The following SLC9A1 variants were observed in gnomAD, a reference collection of about 807,000 sequenced individuals.
SLC9A1 encodes solute carrier family 9 member A1, also known as sodium/hydrogen exchanger 1.
A neutral mutation model predicts 67.9 loss-of-function variants in SLC9A1; 22 were observed. The ratio of observed to expected loss-of-function variants is 0.32; its 90% CI spans 0.23 to 0.46. The LOEUF is 0.46. Among genes scored for constraint, SLC9A1 ranks in the 20% least tolerant of loss-of-function variants. The pLI, the probability that SLC9A1 is intolerant of heterozygous loss-of-function variation, is 1.00. For missense variants in SLC9A1, 686 were observed against 1,094.8 expected, an observed-to-expected ratio of 0.63 and a Z score of 5.27; for synonymous variants, 421 against 471.8, an observed-to-expected ratio of 0.89 and a Z score of 1.40.
At chr1:27,148,584 C>T (rs906768236) in intron 1 of SLC9A1, among the ~76,000 whole-genome samples, 1 of 152,116 alleles carries the variant, frequency 6.6e-6, no homozygotes, top group Non-Finnish European at 1.5e-5. Context: ...AGGTCACAAC[C>T]GAAGGCTCAA....
intron 1 of SLC9A1, among the ~76,000 whole-genome samples, chr1:27,152,915 A>T (rs2083539599): frequency 6.6e-6 from 1 of 152,124 alleles, no homozygotes; most frequent in Non-Finnish European, 1.5e-5. Flanking sequence ...GAGTCCCAGG[A>T]CCTCATGCCT....
chr1:27,120,739 A>G (rs1250214160), intron 1 of SLC9A1, among the ~76,000 whole-genome samples: 3 of 151,050 alleles, frequency 2.0e-5, no homozygotes, highest in Non-Finnish European at 4.4e-5. Flanking sequence ...TTCCATTTCA[A>G]AAAAAAAAGA....
chr1:27,108,719 C>T (rs759590502), intron 3 of SLC9A1, among the ~76,000 whole-genome samples: 3 of 152,126 alleles, frequency 2.0e-5, no homozygotes, highest in Admixed American at 6.5e-5. Context: ...CACCTCTCCC[C>T]TGTCACGCTG....
intron 4 of SLC9A1, among the ~76,000 whole-genome samples, chr1:27,107,442 C>T (rs2083195692): frequency 6.6e-6 from 1 of 150,724 alleles, no homozygotes; most frequent in African/African-American, 2.4e-5. Flanking sequence ...GCACTACACA[C>T]ACCACACACG....
Position 27,154,555 on chromosome 1 carries a change from A to C in SLC9A1, c.-221T>G. 2.0e-6 allele frequency: 1 copy of C among 500,520 alleles called. No homozygotes were observed. Among genetic ancestry groups the C allele is most frequent in the Non-Finnish European group, 3.5e-6 (1 of 282,104 alleles). 31.0% of individuals were successfully genotyped at this position (500,520 alleles called of 1,614,324 possible). On this transcript the variant is annotated 5_prime_UTR_variant, in exon 1 of 12. Transcript: ENST00000263980. Reference sequence around the variant, plus strand: ...TGGGGAAAGGGGGCAAGGACCCAGGAACGACCACGAAAGGAGACCAAAAGG... The same window carrying C: ...TGGGGAAAGGGGGCAAGGACCCAGGCACGACCACGAAAGGAGACCAAAAGG...
At chr1:27,141,100 C>T (rs1232531213) in intron 1 of SLC9A1, among the ~76,000 whole-genome samples, 3 of 152,036 alleles carry the variant, frequency 2.0e-5, no homozygotes, top group Non-Finnish European at 4.4e-5. Context: ...CCCAGCTACT[C>T]GGGAGGCAGG....
rs541572724 is a variant in SLC9A1, at chr1:27,110,119, T to G, written c.814-342A>C. On this transcript the variant is annotated intron_variant, in intron 2 of 11. Coordinates refer to ENST00000263980, the MANE Select transcript of SLC9A1 (RefSeq NM_003047.5). ...CTCCCTGTGTTTCAGTTTTCCTGTCTATAAAATGAGGATAATAATACCAAA... is the reference window on the plus strand; with the variant it reads ...CTCCCTGTGTTTCAGTTTTCCTGTCGATAAAATGAGGATAATAATACCAAA... Among the ~76,000 whole-genome samples the G allele has an allele frequency of 7.9e-5, 12 of 152,318 alleles. No homozygotes were observed. The East Asian group carries it at 2.3e-3, about 29-fold the overall frequency.
At chr1:27,107,219 C>A (rs867746427) in intron 4 of SLC9A1, among the ~76,000 whole-genome samples, 7 of 5,956 alleles carry the variant, frequency 1.2e-3, no homozygotes, top group East Asian at 7.7e-3. Context: ...CCCAGCCCCT[C>A]TACACACACC....
Position 27,109,443 on chromosome 1 carries a change from G to T in SLC9A1, c.1064+84C>A. ...CTCAAGGCTGGGCCCTGGGAGCTCC[G>T]TGAACCTACGAGCCTGGGGAATCCA... On this transcript the variant is annotated intron_variant, in intron 3 of 11. Transcript: ENST00000263980. The surrounding 1 kb of genome is among the most constrained non-coding windows in gnomAD (Gnocchi z 5.5). 1.4e-6 allele frequency: 2 copies of T among 1,464,802 alleles called. No individual in the cohort carries two copies. Among genetic ancestry groups the T allele is most frequent in the Non-Finnish European group, 1.9e-6 (2 of 1,066,252 alleles). 90.7% of individuals were successfully genotyped at this position (1,464,802 alleles called of 1,614,324 possible).
At chr1:27,107,940 A>G in intron 3 of SLC9A1, 75 bp from the exon 4 acceptor site, 2 of 1,108,080 alleles carry the variant, frequency 1.8e-6, no homozygotes, top group Non-Finnish European at 1.3e-6. Flanking sequence ...GCCAGGGGCA[A>G]TGGGGCCACG....
At position 27,101,937 on chromosome 1, in the gene SLC9A1, C is replaced by CGGGCA. The variant is rs1231875546; in HGVS notation, c.1935+74_1935+78dup. Reference sequence around the variant, plus strand: ...GTCCTGGGGTGGGTGCCGAGGGGCACGGGCAGGGCAGGGCTGCCGTAGAGA... The same window carrying CGGGCA: ...GTCCTGGGGTGGGTGCCGAGGGGCACGGGCAGGGCAGGGCAGGGCTGCCGTAGAGA... On this transcript the variant is annotated intron_variant, in intron 9 of 11. Transcript: ENST00000263980. The surrounding 1 kb of genome is among the most constrained non-coding windows in gnomAD (Gnocchi z 4.9). 23 of 1,427,228 alleles carry CGGGCA rather than the reference C, an allele frequency of 1.6e-5. No individual in the cohort carries two copies. The highest frequency in any genetic ancestry group is 1.9e-5 in the Non-Finnish European group (19 of 1,014,860). 88.4% of individuals were successfully genotyped at this position (1,427,228 alleles called of 1,614,324 possible). A position where few individuals can be genotyped will look rare whatever the true frequency, so the allele number is the denominator to read the frequency against.
intron 8 of SLC9A1, 67 bp downstream of exon 8, chr1:27,102,318 C>T: frequency 6.6e-7 from 1 of 1,524,780 alleles, no homozygotes; most frequent in Admixed American, 1.9e-5. Context: ...CCCAGGTGGC[C>T]ACCTCCAACC....
At chr1:27,138,027 G>A (rs2083430438) in intron 1 of SLC9A1, among the ~76,000 whole-genome samples, 1 of 152,152 alleles carries the variant, frequency 6.6e-6, no homozygotes, top group African/African-American at 2.4e-5. Flanking sequence ...CACTGAGTGG[G>A]GCCAGCCCAG....
chr1:27,134,055 G>A (rs565379912), intron 1 of SLC9A1, among the ~76,000 whole-genome samples: 105 of 152,212 alleles, frequency 6.9e-4, no homozygotes, highest in African/African-American at 2.3e-3. Flanking sequence ...GAGCTACCGC[G>A]CCCGGCCTGA....
intron 2 of SLC9A1, among the ~76,000 whole-genome samples, chr1:27,110,218 T>C (rs544153823): frequency 2.0e-5 from 3 of 152,322 alleles, no homozygotes; most frequent in East Asian, 3.9e-4. Context: ...GTTAGCCACA[T>C]CTGGTGCTAT....
intron 1 of SLC9A1, among the ~76,000 whole-genome samples, chr1:27,148,258 T>C (rs1433638556): frequency 6.6e-6 from 1 of 152,180 alleles, no homozygotes; most frequent in Non-Finnish European, 1.5e-5. Flanking sequence ...CAGTCCCCAG[T>C]GCAACTCTGG....
chr1:27,122,406 T>C (rs1264206382), intron 1 of SLC9A1, among the ~76,000 whole-genome samples: 1 of 151,444 alleles, frequency 6.6e-6, no homozygotes, highest in African/African-American at 2.4e-5. Context: ...TGTGAACAAA[T>C]GAAAAGAGAG....
At chr1:27,108,691 G>A (rs963212566) in intron 3 of SLC9A1, among the ~76,000 whole-genome samples, 1 of 151,960 alleles carries the variant, frequency 6.6e-6, no homozygotes, top group Non-Finnish European at 1.5e-5. Flanking sequence ...TGAGAGATCT[G>A]ACTCTAAGAG....
rs570358101 is a variant in SLC9A1 at position 27,130,675 on chromosome 1, A to G, written c.353-16389T>C. 7.2e-5 allele frequency among the ~76,000 whole-genome samples: 11 copies of G among 152,346 alleles called. No individual in the cohort carries two copies. In the South Asian group the frequency reaches 2.3e-3, roughly 32 times the overall value. On this transcript the variant is annotated intron_variant, in intron 1 of 11. Coordinates refer to ENST00000263980, the MANE Select transcript of SLC9A1 (RefSeq NM_003047.5). Reference sequence around the variant, plus strand: ...TGTGCCTTCTCATTTAGCCTCAGCAATGCCATGAGGTAGACACTACTGTTT... The same window carrying G: ...TGTGCCTTCTCATTTAGCCTCAGCAGTGCCATGAGGTAGACACTACTGTTT...
Sources: gnomAD v4.1 joint callset for allele counts (sites outside exome capture counted in the v4.1 genomes callset) on GRCh38, gnomAD v4.1.1 for gene constraint, Gnocchi (gnomAD v3.1) non-coding constraint, MANE v1.5 for transcripts, NCBI Gene and HGNC (gene_info 2026-07-23, HGNC 2026-07-21) for gene names.